Variants in PDE7B observed in about 807,000 individuals in gnomAD.
PDE7B encodes the protein 3',5'-cyclic-AMP phosphodiesterase 7B.
Under a neutral mutation model 56.2 loss-of-function variants are expected in PDE7B, and 29 were observed. The ratio of observed to expected loss-of-function variants is 0.52; its 90% CI spans 0.38 to 0.70. The LOEUF (loss-of-function observed/expected upper bound fraction) is 0.70, where lower values mean the gene tolerates loss of function less well. PDE7B is among the 30% of genes least tolerant of loss of function. PDE7B has a pLI of 0.00. For synonymous variants in PDE7B, 197 were observed against 196.9 expected (o/e 1.00, Z 0.00); for missense variants, 490 against 565.0 (o/e 0.87, Z 1.35).
At chr6:135,987,691 A>T (rs933768843) in intron 2 of PDE7B, among the ~76,000 whole-genome samples, 1 of 152,134 alleles carries the variant, frequency 6.6e-6, no homozygotes, top group Non-Finnish European at 1.5e-5. Flanking sequence ...TTTCTTCTGA[A>T]GAAGAAAGAA....
intron 8 of PDE7B, chr6:136,162,354 C>G (rs1275426761): frequency 6.6e-6 from 1 of 151,548 alleles, no homozygotes; most frequent in Non-Finnish European, 1.5e-5. Context: ...AAGTGCTGAG[C>G]AAAAGGGAAA....
intron 2 of PDE7B, among the ~76,000 whole-genome samples, chr6:136,010,235 T>G (rs1254431631): frequency 6.6e-6 from 1 of 152,172 alleles, no homozygotes; most frequent in Non-Finnish European, 1.5e-5. Flanking sequence ...GCAATTTTTT[T>G]TATTGTATTC....
chr6:136,187,668 G>T (rs1169984986), intron 12 of PDE7B, among the ~76,000 whole-genome samples: 2 of 152,168 alleles, frequency 1.3e-5, no homozygotes, highest in Non-Finnish European at 1.5e-5. Flanking sequence ...AGTGTCACTG[G>T]TGGGAAACTG....
intron 2 of PDE7B, among the ~76,000 whole-genome samples, chr6:136,106,453 A>G (rs1777646425): frequency 6.6e-6 from 1 of 152,100 alleles, no homozygotes. Context: ...TCTTCCTATG[A>G]AGTCTAACAG....
intron 3 of PDE7B, among the ~76,000 whole-genome samples, chr6:136,142,522 G>C (rs1354959428): frequency 6.6e-6 from 1 of 152,060 alleles, no homozygotes; most frequent in Admixed American, 6.6e-5. Context: ...TTAACTTTCT[G>C]TCTCGCTGAT....
chr6:136,071,927 A>G (rs754615774), intron 2 of PDE7B, among the ~76,000 whole-genome samples: 50 of 152,132 alleles, frequency 3.3e-4, no homozygotes, highest in Non-Finnish European at 5.3e-4. Context: ...TTCCATTAAC[A>G]TTTTTTTCCT....
At chr6:135,977,673 G>A (rs1775211348) in intron 2 of PDE7B, among the ~76,000 whole-genome samples, 1 of 152,112 alleles carries the variant, frequency 6.6e-6, no homozygotes, top group South Asian at 2.1e-4. Flanking sequence ...GCCAAGAACA[G>A]GAGCAATAAA....
chr6:136,170,219 C>T (rs1470578447), intron 8 of PDE7B, among the ~76,000 whole-genome samples: 2 of 152,070 alleles, frequency 1.3e-5, no homozygotes, highest in African/African-American at 4.8e-5. Context: ...GGTTTTTAGC[C>T]GCACTTCTGA....
chr6:135,944,764 C>CCTGT (rs760575760), intron 1 of PDE7B, among the ~76,000 whole-genome samples: 1 of 152,294 alleles, frequency 6.6e-6, no homozygotes, highest in Non-Finnish European at 1.5e-5. Context: ...CACCAATGTG[C>CCTGT]CTGTTGAGTG....
At chr6:136,070,788 G>A (rs905610243) in intron 2 of PDE7B, among the ~76,000 whole-genome samples, 6 of 151,830 alleles carry the variant, frequency 4.0e-5, no homozygotes, top group African/African-American at 7.3e-5. Flanking sequence ...ATTTTCTTAC[G>A]TGATAATAAC....
intron 3 of PDE7B, among the ~76,000 whole-genome samples, chr6:136,112,226 T>G (rs1777761745): frequency 6.6e-6 from 1 of 152,130 alleles, no homozygotes; most frequent in South Asian, 2.1e-4. Context: ...ACATCAGAAT[T>G]AAAATCTAAA....
intron 2 of PDE7B, among the ~76,000 whole-genome samples, chr6:135,988,725 G>C (rs1232451779): frequency 1.3e-5 from 2 of 152,196 alleles, no homozygotes; most frequent in African/African-American, 2.4e-5. Flanking sequence ...GGAATGAATT[G>C]ATAACTAGGA....
At chr6:136,035,012 T>C (rs1776303705) in intron 2 of PDE7B, 1 of 152,352 alleles carries the variant, frequency 6.6e-6, no homozygotes, top group Admixed American at 6.5e-5. Context: ...TTATTTTGGG[T>C]TGATTCACAA....
chr6:136,148,973 G>A (rs968075352), intron 4 of PDE7B, 114 bp from the exon 5 acceptor site: 1 of 715,954 alleles, frequency 1.4e-6, no homozygotes, highest in South Asian at 1.7e-5. Flanking sequence ...TGCACTAGAT[G>A]GTAGTATGCT....
chr6:135,919,203 T>C (rs1371926488), intron 1 of PDE7B, among the ~76,000 whole-genome samples: 1 of 152,182 alleles, frequency 6.6e-6, no homozygotes, highest in African/African-American at 2.4e-5. Flanking sequence ...ATCTTTCCAC[T>C]TGTGCTACCG....
Position 136,193,469 on chromosome 6 carries a change from G to A in PDE7B, c.*1629G>A, listed in dbSNP as rs576637782. On this transcript the variant is annotated 3_prime_UTR_variant, in exon 13 of 13. Coordinates refer to ENST00000308191, the MANE Select transcript of PDE7B (RefSeq NM_018945.4). ...GCTTGGAGTGTCACCTTGGAATTTC[G>A]TTGCCATTTTTTCTCAGACACCTGG... The A allele has an allele frequency of 8.5e-5, 13 of 152,560 alleles. No individual in the cohort carries two copies. Among genetic ancestry groups the A allele is most frequent in the African/African-American group, 2.9e-4 (12 of 41,516 alleles). 9.5% of individuals were successfully genotyped at this position (152,560 alleles called of 1,614,324 possible). A position where few individuals can be genotyped will look rare whatever the true frequency, so the allele number is the denominator to read the frequency against.
chr6:136,001,430 G>T (rs991640105), intron 2 of PDE7B, among the ~76,000 whole-genome samples: 1 of 152,110 alleles, frequency 6.6e-6, no homozygotes, highest in Non-Finnish European at 1.5e-5. Flanking sequence ...CAAACCAAAG[G>T]CAAAGAAGCT....
chr6:136,048,806 G>A (rs7770939), intron 2 of PDE7B, among the ~76,000 whole-genome samples: 1,634 of 152,210 alleles, frequency 0.011, 26 homozygotes, highest in African/African-American at 0.037. Context: ...GTAAGATGTT[G>A]AAAATTTTGA....
intron 2 of PDE7B, among the ~76,000 whole-genome samples, chr6:136,027,914 G>T (rs534039622): frequency 6.6e-6 from 1 of 152,110 alleles, no homozygotes; most frequent in Non-Finnish European, 1.5e-5. Context: ...GAGCCACCAC[G>T]CCCAGCCTGT....
Sources: allele counts gnomAD v4.1 joint callset (sites outside exome capture counted in the v4.1 genomes callset), GRCh38; gene constraint gnomAD v4.1.1; transcripts MANE v1.5; gene names NCBI Gene and HGNC (gene_info 2026-07-23, HGNC 2026-07-21).